The following EP300 variants were observed in gnomAD, a reference collection of about 807,000 sequenced individuals.
The protein encoded by EP300 is histone acetyltransferase p300.
Under a neutral mutation model 264.0 loss-of-function variants are expected in EP300, and 31 were observed. That is an observed-to-expected ratio of 0.12 (90% CI 0.09 to 0.16). The LOEUF (loss-of-function observed/expected upper bound fraction) is 0.16, where lower values mean the gene tolerates loss of function less well. EP300 is among the 10% of genes least tolerant of loss of function. The pLI is 1.00. For missense variants in EP300, 2,766 were observed against 3,052.9 expected (o/e 0.91, Z 2.21); for synonymous variants, 1,340 against 1,045.4 (o/e 1.28, Z -5.44).
At chr22:41,152,831 C>G (rs1305183900) in intron 16 of EP300, among the ~76,000 whole-genome samples, 1 of 151,914 alleles carries the variant, frequency 6.6e-6, no homozygotes, top group Non-Finnish European at 1.5e-5. Context: ...GATCTGAGCT[C>G]ACTGCAACCT....
At chr22:41,122,216 A>AGT (rs2058856811) in intron 2 of EP300, among the ~76,000 whole-genome samples, 1 of 124,930 alleles carries the variant, frequency 8.0e-6, no homozygotes, top group African/African-American at 3.2e-5. Flanking sequence ...CCCAGGCAGG[A>AGT]GTGCAATGGC....
chr22:41,142,586 G>A (rs1428409480), intron 10 of EP300, among the ~76,000 whole-genome samples: 1 of 152,014 alleles, frequency 6.6e-6, no homozygotes, highest in African/African-American at 2.4e-5. Flanking sequence ...AGTAACTAAA[G>A]ATTAAAAAAA....
At chr22:41,166,480 C>T (rs2059135157) in intron 22 of EP300, 119 bp from the exon 23 acceptor site, 4 of 758,768 alleles carry the variant, frequency 5.3e-6, no homozygotes, top group South Asian at 1.7e-5. Context: ...GTTTTATTAA[C>T]TCTTCATTAG....
chr22:41,145,291 A>G (rs924123473), intron 10 of EP300, among the ~76,000 whole-genome samples: 1 of 152,266 alleles, frequency 6.6e-6, no homozygotes, highest in African/African-American at 2.4e-5. Flanking sequence ...TTATGCATAT[A>G]CTTCTTATAA....
intron 29 of EP300, 80 bp from the exon 30 acceptor site, chr22:41,176,167 C>T (rs962886524): frequency 1.2e-5 from 19 of 1,548,552 alleles, no homozygotes; most frequent in Non-Finnish European, 1.5e-5. Context: ...TTGTAGTGAG[C>T]CAAGATCACG....
chr22:41,103,432 A>G (rs1164011013), intron 1 of EP300, among the ~76,000 whole-genome samples: 2 of 152,210 alleles, frequency 1.3e-5, no homozygotes, highest in Non-Finnish European at 2.9e-5. Context: ...ATACATGTCC[A>G]CACAGTTTTC....
chr22:41,163,024 G>T (rs1197973867), intron 21 of EP300, among the ~76,000 whole-genome samples: 2 of 152,204 alleles, frequency 1.3e-5, no homozygotes, highest in African/African-American at 4.8e-5. Flanking sequence ...CTAGTTTGCA[G>T]TGAGGCCTTT....
At chr22:41,127,858 T>C in intron 4 of EP300, 110 bp downstream of exon 4, 2 of 1,378,374 alleles carry the variant, frequency 1.5e-6, no homozygotes, top group East Asian at 4.7e-5. Flanking sequence ...ATACCTTAAT[T>C]GTGGTGATGG....
At chr22:41,094,823 A>G (rs1419657289) in intron 1 of EP300, among the ~76,000 whole-genome samples, 1 of 152,146 alleles carries the variant, frequency 6.6e-6, no homozygotes, top group Non-Finnish European at 1.5e-5. Context: ...TTTTTTGTGT[A>G]CTTTGAGTAG....
At chr22:41,165,499 C>T (rs933702303) in intron 22 of EP300, among the ~76,000 whole-genome samples, 1 of 152,130 alleles carries the variant, frequency 6.6e-6, no homozygotes, top group African/African-American at 2.4e-5. Flanking sequence ...TCTCGGCTCA[C>T]TGCAACCTCT....
chr22:41,148,266 G>A (rs1003688864), intron 12 of EP300, among the ~76,000 whole-genome samples: 3 of 152,112 alleles, frequency 2.0e-5, no homozygotes, highest in South Asian at 2.1e-4. Flanking sequence ...TCTTGAACTC[G>A]GAGAAGAGAG....
At chr22:41,104,682 C>T (rs1334676378) in intron 1 of EP300, among the ~76,000 whole-genome samples, 3 of 152,174 alleles carry the variant, frequency 2.0e-5, no homozygotes, top group Admixed American at 1.3e-4. Context: ...AACATGGCCC[C>T]AGGTCACATT....
At position 41,149,075 on chromosome 22, in the gene EP300, A is replaced by C; in HGVS notation, c.2279A>C (p.Asn760Thr). 6.2e-7 allele frequency: 1 copy of C among 1,613,824 alleles called. No individual in the cohort carries two copies. Among genetic ancestry groups the C allele is most frequent in the Non-Finnish European group, 8.5e-7 (1 of 1,179,932 alleles). ...GYGPRMQQPS[N>T]QGQFLPQTQF... ...GGGCCTCGTATGCAACAGCCTTCCAACCAGGGCCAGTTCCTTCCTCAGACT... is the reference window on the plus strand; with the variant it reads ...GGGCCTCGTATGCAACAGCCTTCCACCCAGGGCCAGTTCCTTCCTCAGACT... Residue 760 changes from asparagine to threonine, a missense_variant, in exon 13 of 31, where the codon AAC (asparagine) becomes ACC (threonine). Physicochemically the swap from Asn to Thr is moderately conservative, Grantham distance 65. Coordinates refer to ENST00000263253, the MANE Select transcript of EP300 (RefSeq NM_001429.4).
chr22:41,146,950 A>G, intron 11 of EP300, 134 bp downstream of exon 11: 1 of 797,252 alleles, frequency 1.3e-6, no homozygotes, highest in Non-Finnish European at 2.1e-6. Flanking sequence ...AGAGGGGGTG[A>G]AGAGCAGGTT....
chr22:41,142,384 A>C (rs573637259), intron 10 of EP300, among the ~76,000 whole-genome samples: 1 of 152,284 alleles, frequency 6.6e-6, no homozygotes, highest in African/African-American at 2.4e-5. Flanking sequence ...TTGCTAACTG[A>C]AGTGTGCCAG....
At chr22:41,158,705 G>T (rs2059091330) in intron 19 of EP300, 2 of 559,638 alleles carry the variant, frequency 3.6e-6, no homozygotes, top group Non-Finnish European at 6.5e-6. Flanking sequence ...AGTTACCTGG[G>T]TTCCTCCCAA....
At chr22:41,100,487 A>G (rs1281127578) in intron 1 of EP300, among the ~76,000 whole-genome samples, 1 of 152,148 alleles carries the variant, frequency 6.6e-6, no homozygotes, top group Non-Finnish European at 1.5e-5. Flanking sequence ...AAAATACTGT[A>G]CAGTTAGCCT....
At chr22:41,161,234 G>T (rs1184868101) in intron 20 of EP300, among the ~76,000 whole-genome samples, 6 of 152,164 alleles carry the variant, frequency 3.9e-5, no homozygotes, top group Non-Finnish European at 5.9e-5. Flanking sequence ...GCATGCCGGG[G>T]TTTAAGAGAT....
At chr22:41,170,363 G>A (rs2059162472) in intron 26 of EP300, 43 bp from the exon 27 acceptor site, 2 of 1,582,848 alleles carry the variant, frequency 1.3e-6, no homozygotes, top group East Asian at 2.2e-5. Context: ...TTCTAGAATA[G>A]ATTATCTCTT....
Sources: allele counts gnomAD v4.1 joint callset (sites outside exome capture counted in the v4.1 genomes callset), GRCh38; gene constraint gnomAD v4.1.1; transcripts MANE v1.5; gene names NCBI Gene and HGNC (gene_info 2026-07-23, HGNC 2026-07-21).